IGSF10: variants seen among roughly 807,000 people sequenced by gnomAD.
IGSF10 encodes the protein calvaria mechanical force protein 608.
IGSF10 carries 126 observed loss-of-function variants against 128.2 expected under a neutral mutation model. The observed-to-expected ratio is 0.98, with a 90% CI of 0.85 to 1.14. The LOEUF is 1.14. Among genes scored for constraint, IGSF10 ranks in the 50% most tolerant of loss-of-function variants. IGSF10 has a pLI of 0.00. For synonymous variants in IGSF10, 1,185 were observed against 1,146.2 expected, an observed-to-expected ratio of 1.03 and a Z score of -0.68; for missense variants, 3,295 against 3,149.8, an observed-to-expected ratio of 1.05 and a Z score of -1.10.
At chr3:151,442,220 G>GA (rs1195073746) in intron 7 of IGSF10, among the ~76,000 whole-genome samples, 1 of 152,044 alleles carries the variant, frequency 6.6e-6, no homozygotes, top group African/African-American at 2.4e-5. Flanking sequence ...TTTTAGGAAA[G>GA]AAAAAATTAA....
At chr3:151,450,803 G>A (rs1277484561) in intron 5 of IGSF10, among the ~76,000 whole-genome samples, 1 of 148,136 alleles carries the variant, frequency 6.8e-6, no homozygotes, top group African/African-American at 2.5e-5. Context: ...GGCTGAGGTA[G>A]GAGAATCACT....
Position 151,438,119 on chromosome 3 carries a change from T to C in IGSF10, c.6442A>G (p.Lys2148Glu). The C allele has an allele frequency of 1.2e-6, 2 of 1,614,214 alleles. No individual in the cohort carries two copies. Among genetic ancestry groups the C allele is most frequent in the Non-Finnish European group, 1.7e-6 (2 of 1,180,032 alleles). ...CCAGCTTTGATTCTCTTGTTGGTTT[T>C]GTTACTCTGCCTTATCCGGGGAGCA... ...TAAPRIRQSN[K>E]TNKRIKAGDT... Residue 2148 changes from lysine to glutamate, a missense_variant, in exon 8 of 8, where the codon AAA becomes GAA. Coordinates refer to ENST00000282466, the MANE Select transcript of IGSF10 (RefSeq NM_178822.5).
chr3:151,618,642 A>G, the IGSF10 span, among the ~76,000 whole-genome samples: 1 of 152,142 alleles, frequency 6.6e-6, no homozygotes, highest in African/African-American at 2.4e-5. Context: ...AGGCAGGAGA[A>G]TGGCGTGAAC....
chr3:151,594,918 AT>A, the IGSF10 span, among the ~76,000 whole-genome samples: 790 of 151,954 alleles, frequency 5.2e-3, 5 homozygotes, highest in African/African-American at 0.018. Flanking sequence ...ACCAATAAAG[AT>A]TTTTTAAGCA....
Position 151,448,763 on chromosome 3 carries a change from C to T in IGSF10, c.1218G>A (p.Gln406=), listed in dbSNP as rs964487535. The part of the protein sequence containing the change: ...ETPQLYYKYK[Q]VAPKPEDIFT... ...AAATGTCTTCAGGCTTAGGAGCCAC[C>T]TGTTTATATTTGTAATAGAGCTGCG... is the stretch of plus-strand genomic sequence containing the variant. Residue 406 remains glutamine (Q), a synonymous_variant, in exon 6 of 8, where the codon CAG becomes CAA. Transcript: ENST00000282466. 10 of 1,613,526 alleles carry T rather than the reference C, an allele frequency of 6.2e-6. No individual in the cohort carries two copies. Among genetic ancestry groups the T allele is most frequent in the Non-Finnish European group, 8.5e-6 (10 of 1,179,580 alleles).
At chr3:151,557,907 T>C in the IGSF10 span, among the ~76,000 whole-genome samples, 2 of 147,260 alleles carry the variant, frequency 1.4e-5, no homozygotes. Context: ...AGTTGGGGTA[T>C]AGTTTTTCTT....
chr3:151,586,344 T>C, the IGSF10 span, among the ~76,000 whole-genome samples: 32 of 152,322 alleles, frequency 2.1e-4, no homozygotes, highest in Admixed American at 1.4e-3. Context: ...AAAAGAATAT[T>C]TCTTTCTTTC....
At chr3:151,438,808 A>G (rs1720644036) in intron 7 of IGSF10, among the ~76,000 whole-genome samples, 1 of 144,946 alleles carries the variant, frequency 6.9e-6, no homozygotes, top group South Asian at 2.3e-4. Context: ...AGATATATAT[A>G]TATATACATT....
chr3:151,535,711 G>T, the IGSF10 span, among the ~76,000 whole-genome samples: 308 of 152,174 alleles, frequency 2.0e-3, no homozygotes, highest in African/African-American at 7.1e-3. Context: ...TGCAAGTCAG[G>T]AAATCTTTCA....
At chr3:151,438,800 A>G (rs975132111) in intron 7 of IGSF10, among the ~76,000 whole-genome samples, 3 of 134,814 alleles carry the variant, frequency 2.2e-5, no homozygotes, top group African/African-American at 1.0e-4. Context: ...CATATTTGAG[A>G]TATATATATA....
At chr3:151,555,432 T>C in the IGSF10 span, among the ~76,000 whole-genome samples, 1 of 152,110 alleles carries the variant, frequency 6.6e-6, no homozygotes, top group Non-Finnish European at 1.5e-5. Context: ...GTTGAGTCAG[T>C]TAAAAATTCA....
chr3:151,446,535 G>C lies in IGSF10; in HGVS notation c.3446C>G (p.Ser1149Cys), dbSNP rs997881807. 4.3e-6 allele frequency: 7 copies of C among 1,614,136 alleles called. No individual in the cohort carries two copies. The highest frequency in any genetic ancestry group is 5.9e-6 in the Non-Finnish European group (7 of 1,179,980). ...TGAVMTYAPT[S>C]IPMEKTHKVN... ...TTTGTGAGTTTTTTCCATGGGTATG[G>C]ATGTTGGAGCATATGTCATGACTGC... The change falls in exon 6 of 8, where the codon TCC (serine) becomes TGC (cysteine). Residue 1149 changes from serine to cysteine, a missense_variant. Ser to Cys is a moderately radical substitution (Grantham distance 112, BLOSUM62 -1). Coordinates refer to ENST00000282466, the MANE Select transcript of IGSF10 (RefSeq NM_178822.5).
At chr3:151,510,459 C>T in the IGSF10 span, among the ~76,000 whole-genome samples, 2 of 152,128 alleles carry the variant, frequency 1.3e-5, no homozygotes, top group Non-Finnish European at 2.9e-5. Context: ...CACCAAAAAC[C>T]CATCTGTACG....
At chr3:151,531,857 G>T in the IGSF10 span, among the ~76,000 whole-genome samples, 129 of 152,048 alleles carry the variant, frequency 8.5e-4, no homozygotes, top group South Asian at 0.011. Flanking sequence ...AGGAGATAGA[G>T]ACCTGAAAAA....
At chr3:151,485,825 C>T in the IGSF10 span, among the ~76,000 whole-genome samples, 7 of 152,130 alleles carry the variant, frequency 4.6e-5, no homozygotes, top group South Asian at 2.1e-4. Context: ...AAGGATCAAC[C>T]GGTACCAGCC....
At position 151,445,594 on chromosome 3, in the gene IGSF10, G is replaced by A. The variant is rs367796784; in HGVS notation, c.4387C>T (p.Pro1463Ser). ...RKAIIRHSTI[P>S]PFLSSSATLM... is the part of the protein sequence containing the mutation. ...GTAGCACTGCTGCTCAAGAATGGTGGTATGGTTGAGTGTCTAATGATTGCT... is the reference window on the plus strand; with the variant it reads ...GTAGCACTGCTGCTCAAGAATGGTGATATGGTTGAGTGTCTAATGATTGCT... The change falls in exon 6 of 8, where the codon CCA (proline) becomes TCA (serine). Residue 1463 changes from proline to serine, a missense_variant. Pro to Ser is a moderately conservative substitution (Grantham distance 74, BLOSUM62 -1). Transcript: ENST00000282466. The A allele has an allele frequency of 5.6e-6, 9 of 1,614,082 alleles. No homozygotes were observed. Among genetic ancestry groups the A allele is most frequent in the African/African-American group, 1.3e-5 (1 of 75,052 alleles).
Position 151,438,123 on chromosome 3 carries a change from A to ACT in IGSF10, c.6436_6437dup (p.Ser2146ArgfsTer38). On this transcript the variant is annotated frameshift_variant, in exon 8 of 8. Coordinates refer to ENST00000282466, the MANE Select transcript of IGSF10 (RefSeq NM_178822.5). LOFTEE classifies it low-confidence loss of function (END_TRUNC). ...CTTTGATTCTCTTGTTGGTTTTGTT[A>ACT]CTCTGCCTTATCCGGGGAGCAGCTG... 1 of 1,613,904 alleles carries ACT rather than the reference A, an allele frequency of 6.2e-7. No individual in the cohort carries two copies. The highest frequency in any genetic ancestry group is 8.5e-7 in the Non-Finnish European group (1 of 1,179,960).
the IGSF10 span, among the ~76,000 whole-genome samples, chr3:151,515,216 C>G: frequency 6.6e-6 from 1 of 151,964 alleles, no homozygotes. Context: ...TTGAAACCAA[C>G]CCAAATGTCC....
the IGSF10 span, among the ~76,000 whole-genome samples, chr3:151,487,352 CA>C: frequency 3.0e-4 from 45 of 151,928 alleles, no homozygotes; most frequent in Admixed American, 3.3e-4. Flanking sequence ...GCCTACCAAC[CA>C]AAAAAAGTCC....
Sources: allele counts gnomAD v4.1 joint callset (sites outside exome capture counted in the v4.1 genomes callset), GRCh38; gene constraint gnomAD v4.1.1; transcripts MANE v1.5; gene names NCBI Gene and HGNC (gene_info 2026-07-23, HGNC 2026-07-21).